ST7: variants seen among roughly 807,000 people sequenced by gnomAD.
The protein encoded by ST7 is suppression of tumorigenicity 7.
In ST7, 28 loss-of-function variants were observed where a neutral mutation model predicts 78.7. That is an observed-to-expected ratio of 0.36 (90% CI 0.26 to 0.49). The LOEUF (loss-of-function observed/expected upper bound fraction) is 0.49, where lower values mean the gene tolerates loss of function less well. ST7 is among the 20% of genes least tolerant of loss of function. The pLI, the probability that ST7 is intolerant of heterozygous loss-of-function variation, is 0.99. For missense variants in ST7, 418 were observed against 696.0 expected (o/e 0.60, Z 4.49); for synonymous variants, 247 against 249.6 (o/e 0.99, Z 0.10).
chr7:117,145,513 C>G (rs1805698609), intron 9 of ST7: 1 of 152,226 alleles, frequency 6.6e-6, no homozygotes, highest in Admixed American at 6.5e-5. Flanking sequence ...CTAGCAATCT[C>G]TGACATTCCC....
chr7:117,185,438 T>A (rs1174756223), intron 10 of ST7, among the ~76,000 whole-genome samples: 1 of 152,146 alleles, frequency 6.6e-6, no homozygotes. Context: ...GAAATACAGA[T>A]AAACAGTAGG....
At chr7:117,065,804 G>A (rs1378636584) in intron 1 of ST7, among the ~76,000 whole-genome samples, 1 of 152,168 alleles carries the variant, frequency 6.6e-6, no homozygotes, top group Non-Finnish European at 1.5e-5. Flanking sequence ...AAAACCGTCA[G>A]TGATTTTCCA....
At chr7:117,154,910 G>A (rs1806569108) in intron 9 of ST7, among the ~76,000 whole-genome samples, 1 of 152,120 alleles carries the variant, frequency 6.6e-6, no homozygotes, top group African/African-American at 2.4e-5. Context: ...GAGAAGGGAG[G>A]AAGGGGAGGG....
At chr7:117,008,823 G>A (rs754542313) in intron 1 of ST7, among the ~76,000 whole-genome samples, 1 of 152,268 alleles carries the variant, frequency 6.6e-6, no homozygotes, top group East Asian at 1.9e-4. Flanking sequence ...GTTGAACAGG[G>A]TTTGGCAAAC....
chr7:117,115,655 G>A (rs1802822873), intron 2 of ST7, among the ~76,000 whole-genome samples: 1 of 152,156 alleles, frequency 6.6e-6, no homozygotes. Flanking sequence ...CGCCCAGCCG[G>A]TAGGTTACTT....
At chr7:116,978,601 A>T (rs553729828) in intron 1 of ST7, among the ~76,000 whole-genome samples, 16 of 152,202 alleles carry the variant, frequency 1.1e-4, no homozygotes, top group Admixed American at 5.9e-4. Flanking sequence ...TAATCTATCT[A>T]TCTAGAGACA....
At chr7:117,158,475 T>C (rs1806874168) in intron 9 of ST7, among the ~76,000 whole-genome samples, 1 of 152,226 alleles carries the variant, frequency 6.6e-6, no homozygotes, top group Non-Finnish European at 1.5e-5. Flanking sequence ...TCAGCATGCC[T>C]GCAACTGTTA....
At chr7:116,991,791 G>C (rs1365442299) in intron 1 of ST7, among the ~76,000 whole-genome samples, 1 of 152,142 alleles carries the variant, frequency 6.6e-6, no homozygotes, top group Non-Finnish European at 1.5e-5. Flanking sequence ...TTACATCTGA[G>C]ACAAGGCAAA....
At chr7:117,194,497 G>A (rs778266580) in intron 12 of ST7, among the ~76,000 whole-genome samples, 30 of 152,160 alleles carry the variant, frequency 2.0e-4, no homozygotes, top group Non-Finnish European at 3.5e-4. Context: ...TATAATGCTT[G>A]TACTTGCTAT....
At chr7:117,007,607 G>A (rs1795208407) in intron 1 of ST7, among the ~76,000 whole-genome samples, 1 of 152,218 alleles carries the variant, frequency 6.6e-6, no homozygotes, top group South Asian at 2.1e-4. Context: ...CAGATTTTCA[G>A]TGTAGGTGAA....
chr7:117,184,911 T>A (rs1809109588), intron 10 of ST7, among the ~76,000 whole-genome samples: 1 of 152,220 alleles, frequency 6.6e-6, no homozygotes. Flanking sequence ...TGTGTGCTAT[T>A]TTTATAAATT....
chr7:117,079,304 G>C (rs1001176282), intron 1 of ST7, among the ~76,000 whole-genome samples: 25 of 152,134 alleles, frequency 1.6e-4, no homozygotes, highest in African/African-American at 5.8e-4. Flanking sequence ...TAACAGACTT[G>C]AGCATCCTCT....
intron 1 of ST7, among the ~76,000 whole-genome samples, chr7:116,998,412 C>T (rs1262290498): frequency 6.6e-6 from 1 of 152,222 alleles, no homozygotes. Flanking sequence ...AGGGAGCTGG[C>T]TCCGGCCTCG....
intron 1 of ST7, chr7:117,098,930 C>T (rs1230302411): frequency 4.1e-6 from 4 of 965,514 alleles, no homozygotes; most frequent in Non-Finnish European, 5.7e-6. Context: ...AATCAGTGAG[C>T]AACAAGGTTA....
Position 117,219,133 on chromosome 7 carries a change from TTACCCAATCTG to T in ST7, c.1459_1469del (p.Pro487ArgfsTer13). The T allele has an allele frequency of 6.2e-7, 1 of 1,613,718 alleles. No homozygotes were observed. Among genetic ancestry groups the T allele is most frequent in the Non-Finnish European group, 8.5e-7 (1 of 1,179,856 alleles). On this transcript the variant is annotated frameshift_variant, in exon 14 of 16. Coordinates refer to ENST00000323984, the MANE Select transcript of ST7 (RefSeq NM_001369598.1). LOFTEE classifies it high-confidence loss of function. The surrounding 1 kb of genome is among the most constrained non-coding windows in gnomAD (Gnocchi z 5.1). ...TGGAAAAGGGGCACCTATTTTATCC[TTACCCAATCTG>T]TACAGAAACAGCAGACCGAGAGCTG...
At chr7:116,995,710 T>A (rs1585111780) in intron 1 of ST7, among the ~76,000 whole-genome samples, 1 of 152,228 alleles carries the variant, frequency 6.6e-6, no homozygotes, top group East Asian at 1.9e-4. Flanking sequence ...CAAACTCAGA[T>A]GCCTACCTAC....
At chr7:117,010,284 T>C (rs1795335337) in intron 1 of ST7, among the ~76,000 whole-genome samples, 1 of 152,210 alleles carries the variant, frequency 6.6e-6, no homozygotes, top group African/African-American at 2.4e-5. Flanking sequence ...TAGATGCTCA[T>C]CTGTCTTAGC....
chr7:117,179,937 G>T (rs1808624780), intron 10 of ST7, among the ~76,000 whole-genome samples: 1 of 152,164 alleles, frequency 6.6e-6, no homozygotes, highest in South Asian at 2.1e-4. Flanking sequence ...GGTGACCTCT[G>T]ACACTATAGT....
intron 3 of ST7, among the ~76,000 whole-genome samples, chr7:117,129,396 G>T (rs911095617): frequency 6.6e-6 from 1 of 151,850 alleles, no homozygotes; most frequent in Non-Finnish European, 1.5e-5. Context: ...GTCTTGTCAT[G>T]TACAACGTTA....
Sources: gnomAD v4.1 joint callset for allele counts (sites outside exome capture counted in the v4.1 genomes callset) on GRCh38, gnomAD v4.1.1 for gene constraint, Gnocchi (gnomAD v3.1) non-coding constraint, MANE v1.5 for transcripts, NCBI Gene and HGNC (gene_info 2026-07-23, HGNC 2026-07-21) for gene names.